The following CLTCL1 variants were observed in gnomAD, a reference collection of about 807,000 sequenced individuals.
CLTCL1 encodes the protein clathrin heavy chain like 1, also known as clathrin heavy chain 2.
In CLTCL1, 159 loss-of-function variants were observed where a neutral mutation model predicts 190.0. The observed-to-expected ratio is 0.84, with a 90% CI of 0.74 to 0.95. CLTCL1 has a LOEUF of 0.95. Ranked by LOEUF, CLTCL1 falls within the 40% of genes least tolerant of loss-of-function variation. CLTCL1 has a pLI of 0.00. For missense variants in CLTCL1, 1,878 were observed against 2,033.4 expected, an observed-to-expected ratio of 0.92 and a Z score of 1.47; for synonymous variants, 752 against 769.6, an observed-to-expected ratio of 0.98 and a Z score of 0.38.
chr22:19,214,390 G>A (rs1331862521), intron 19 of CLTCL1, among the ~76,000 whole-genome samples: 4 of 152,182 alleles, frequency 2.6e-5, no homozygotes, highest in African/African-American at 7.2e-5. Flanking sequence ...TCCTCTCACC[G>A]GAGGGTGTGC....
chr22:19,276,841 TG>T (rs1196698151), intron 1 of CLTCL1, among the ~76,000 whole-genome samples: 3 of 152,072 alleles, frequency 2.0e-5, no homozygotes, highest in African/African-American at 7.2e-5. Context: ...GGCTATTTTT[TG>T]TATTTTTTTT....
In CLTCL1 at chr22:19,233,174, C is replaced by T; in HGVS notation, c.1513G>A (p.Ala505Thr). The T allele has an allele frequency of 6.2e-7, 1 of 1,612,734 alleles. No homozygotes were observed. Among genetic ancestry groups the T allele is most frequent in the South Asian group, 1.1e-5 (1 of 90,956 alleles). Residue 505 changes from alanine to threonine, a missense_variant, in exon 9 of 33, where the codon GCC becomes ACC. By Grantham distance (58) the Ala-to-Thr change is moderately conservative (BLOSUM62 0). Coordinates refer to ENST00000427926, the MANE Select transcript of CLTCL1 (RefSeq NM_007098.4). ...TGQFQKIVLYAKKVGYTPDWI... is the reference protein window; with the variant it reads ...TGQFQKIVLYTKKVGYTPDWI... ...GGTTCAACACACGTTACCTTTTTGG[C>T]ATAGAGCACAATTTTCTGGAATTGG...
chr22:19,225,673 T>A, intron 12 of CLTCL1, 40 bp from the exon 13 acceptor site: 1 of 1,485,374 alleles, frequency 6.7e-7, no homozygotes, highest in Non-Finnish European at 9.1e-7. Context: ...GATGCACCAC[T>A]CTAAAGATTG....
At chr22:19,236,302 A>C (rs1023884232) in intron 5 of CLTCL1, among the ~76,000 whole-genome samples, 24 of 152,220 alleles carry the variant, frequency 1.6e-4, no homozygotes, top group Non-Finnish European at 3.4e-4. Flanking sequence ...TTTCAGGTAG[A>C]GCGATCCTTT....
intron 28 of CLTCL1, 86 bp downstream of exon 28, chr22:19,187,895 A>G: frequency 6.9e-7 from 1 of 1,447,938 alleles, no homozygotes; most frequent in Non-Finnish European, 9.6e-7. Context: ...CCTCCTGTGC[A>G]AAGGCAGCCT....
In CLTCL1 at chr22:19,232,494, C is replaced by G. The variant is rs375049573; in HGVS notation, c.1626G>C (p.Pro542=). Reference sequence around the variant, plus strand: ...CGCTCACCTGGCTAATGTTGGCCAGCGGCTCCTCGTCCTGCACTAGCATTC... The same window carrying G: ...CGCTCACCTGGCTAATGTTGGCCAGGGGCTCCTCGTCCTGCACTAGCATTC... The part of the protein sequence containing the change: ...FSRMLVQDEE[P]LANISQIVDI... The change falls in exon 10 of 33, where the codon CCG becomes CCC. Residue 542 remains proline, a synonymous_variant. Transcript: ENST00000427926. 110 of 1,613,894 alleles carry G rather than the reference C, an allele frequency of 6.8e-5. No homozygotes were observed. Among genetic ancestry groups the G allele is most frequent in the Non-Finnish European group, 8.7e-5 (103 of 1,179,860 alleles).
chr22:19,180,194 C>T lies in CLTCL1; in HGVS notation c.*20+5G>A, dbSNP rs782152433. On this transcript the variant is annotated splice_donor_5th_base_variant and intron_variant, in intron 32 of 32. Transcript: ENST00000427926. Reference sequence around the variant, plus strand: ...GATAAGCTAGTCTCCAAATGGGACACTTACTTAGTGCAATCAGCTGGGTCT... The same window carrying T: ...GATAAGCTAGTCTCCAAATGGGACATTTACTTAGTGCAATCAGCTGGGTCT... The T allele has an allele frequency of 6.2e-7, 1 of 1,613,306 alleles. No homozygotes were observed.
rs782230584 is a variant in CLTCL1 at position 19,199,861 on chromosome 22, C to T, written c.3766-20G>A. On this transcript the variant is annotated intron_variant, in intron 23 of 32. Transcript: ENST00000427926. The stretch of plus-strand genomic sequence containing the variant: ...GCACACCTAGGGGACGGAGGGCAAG[C>T]GTGAGGGTCCCCAAGACAGGACACA... 1.6e-5 allele frequency: 25 copies of T among 1,548,670 alleles called. No individual in the cohort carries two copies. Among genetic ancestry groups the T allele is most frequent in the Middle Eastern group, 1.7e-4 (1 of 5,986 alleles).
At chr22:19,183,233 T>G in intron 30 of CLTCL1, 157 bp downstream of exon 30, 5 of 628,050 alleles carry the variant, frequency 8.0e-6, no homozygotes, top group East Asian at 5.6e-5. Context: ...CACTTCAGCA[T>G]GAAGGAAAGC....
chr22:19,257,808 GAC>G (rs1569231435), intron 2 of CLTCL1: 1 of 1,429,420 alleles, frequency 7.0e-7, no homozygotes, highest in East Asian at 3.6e-5. Flanking sequence ...CTCCTACCTG[GAC>G]AGAGTGAGGA....
intron 29 of CLTCL1, chr22:19,184,801 C>T (rs1442495543): frequency 5.9e-6 from 2 of 339,066 alleles, no homozygotes; most frequent in Non-Finnish European, 5.8e-6. Context: ...CAGTGTCCCG[C>T]TCCTGCGGCC....
At chr22:19,224,438 G>A (rs2085674903) in intron 13 of CLTCL1, among the ~76,000 whole-genome samples, 1 of 152,300 alleles carries the variant, frequency 6.6e-6, no homozygotes, top group Admixed American at 6.5e-5. Flanking sequence ...ATGGCCTCCA[G>A]GAGGAGGCCT....
At chr22:19,189,027 CTGAG>C (rs2084406202) in intron 27 of CLTCL1, among the ~76,000 whole-genome samples, 1 of 152,066 alleles carries the variant, frequency 6.6e-6, no homozygotes, top group Admixed American at 6.6e-5. Flanking sequence ...CCTCAGCCTC[CTGAG>C]TATCTGGGAT....
chr22:19,201,390 C>A lies in CLTCL1; in HGVS notation c.3704G>T (p.Gly1235Val). Reference protein sequence around the residue: ...ARLASTLVHLGEYQAAVDNSR... With the variant: ...ARLASTLVHLVEYQAAVDNSR... ...GTTGTCCACTGCTGCCTGATACTCA[C>A]CGAGGTGAACCAAGGTGGAAGCCAG... Residue 1235 changes from glycine to valine, a missense_variant, in exon 23 of 33, where the codon GGT becomes GTT. Physicochemically the swap from Gly to Val is moderately radical, Grantham distance 109 (BLOSUM62 -3). Coordinates refer to ENST00000427926, the MANE Select transcript of CLTCL1 (RefSeq NM_007098.4). 1 of 1,613,834 alleles carries A rather than the reference C, an allele frequency of 6.2e-7. No individual in the cohort carries two copies. The highest frequency in any genetic ancestry group is 8.5e-7 in the Non-Finnish European group (1 of 1,179,862).
chr22:19,207,986 T>G, intron 22 of CLTCL1, 168 bp downstream of exon 22: 1 of 725,126 alleles, frequency 1.4e-6, no homozygotes, highest in Non-Finnish European at 2.5e-6. Context: ...GGACAATAAA[T>G]GTAATGCACT....
chr22:19,210,652 C>CA lies in CLTCL1; in HGVS notation c.3066-144dup, dbSNP rs1601528544. The CA allele has an allele frequency of 6.4e-6, 4 of 626,000 alleles. No individual in the cohort carries two copies. In the East Asian group the frequency reaches 1.1e-4, roughly 18 times the overall value. 38.8% of individuals were successfully genotyped at this position (626,000 alleles called of 1,614,324 possible). A position where few individuals can be genotyped will look rare whatever the true frequency, so the allele number is the denominator to read the frequency against. ...ACACATAACTGCTAAGTAAATACAA[C>CA]AGAGTATTTGTGAAGTATTTGGGAT... On this transcript the variant is annotated intron_variant, in intron 19 of 32. Transcript: ENST00000427926.
rs782114921 is a variant in CLTCL1 at position 19,235,888 on chromosome 22, C to T, written c.796-19G>A. On this transcript the variant is annotated intron_variant, in intron 5 of 32. Coordinates refer to ENST00000427926, the MANE Select transcript of CLTCL1 (RefSeq NM_007098.4). Reference sequence around the variant, plus strand: ...CTCCAATCTATAAGAAGACAGAGAGCAAGAGGTTGGAAAGTAAGGAGGAGA... The same window carrying T: ...CTCCAATCTATAAGAAGACAGAGAGTAAGAGGTTGGAAAGTAAGGAGGAGA... 7 of 1,604,528 alleles carry T rather than the reference C, an allele frequency of 4.4e-6. No individual in the cohort carries two copies. The South Asian group carries it at 7.8e-5, about 18-fold the overall frequency.
Position 19,209,102 on chromosome 22 carries a change from G to A in CLTCL1, c.3262C>T (p.His1088Tyr). 4 of 1,602,796 alleles carry A rather than the reference G, an allele frequency of 2.5e-6. No homozygotes were observed. The highest frequency in any genetic ancestry group is 3.4e-6 in the Non-Finnish European group (4 of 1,174,176). ...TATGCCCGGTCCAGGTTTCCAATGT[G>A]CTCGATCAGGACCTAGGGGTTATGA... ...NASAIQVLIE[H>Y]IGNLDRAYEF... Residue 1088 changes from histidine to tyrosine, a missense_variant, in exon 21 of 33, where the codon CAC becomes TAC. Transcript: ENST00000427926.
In CLTCL1 at chr22:19,205,379, G is replaced by A. The variant is rs187483700; in HGVS notation, c.3600+2775C>T. Among the ~76,000 whole-genome samples, 16 of 152,166 alleles carry A rather than the reference G, an allele frequency of 1.1e-4. No individual in the cohort carries two copies. The South Asian group carries it at 2.1e-3, about 20-fold the overall frequency. On this transcript the variant is annotated intron_variant, in intron 22 of 32. Coordinates refer to ENST00000427926, the MANE Select transcript of CLTCL1 (RefSeq NM_007098.4). ...ACAAAAATTAGCTGGGAGTGGTGGC[G>A]TGCACCTGTGGTCCCAGCTACTCGG...
Sources: allele counts gnomAD v4.1 joint callset (sites outside exome capture counted in the v4.1 genomes callset), GRCh38; gene constraint gnomAD v4.1.1; transcripts MANE v1.5; gene names NCBI Gene and HGNC (gene_info 2026-07-23, HGNC 2026-07-21).